STARD10: variants seen among roughly 807,000 people sequenced by gnomAD.
STARD10 encodes START domain-containing protein 10.
In STARD10, 24 loss-of-function variants were observed where a neutral mutation model predicts 36.0. The observed-to-expected ratio is 0.67, with a 90% CI of 0.48 to 0.94. The LOEUF (loss-of-function observed/expected upper bound fraction) is 0.94. Among genes scored for constraint, STARD10 ranks in the 40% least tolerant of loss-of-function variants. STARD10 has a pLI of 0.00. For missense variants in STARD10, 335 were observed against 396.6 expected, an observed-to-expected ratio of 0.84 and a Z score of 1.32; for synonymous variants, 156 against 161.9, an observed-to-expected ratio of 0.96 and a Z score of 0.28.
At chr11:72,776,628 G>A (rs769271181) in intron 2 of STARD10, among the ~76,000 whole-genome samples, 6 of 152,270 alleles carry the variant, frequency 3.9e-5, no homozygotes, top group Non-Finnish European at 7.4e-5. Context: ...CTGTTTGGCT[G>A]TGCACAAGTG....
chr11:72,788,298 G>T (rs1418931513), intron 1 of STARD10, among the ~76,000 whole-genome samples: 1 of 152,186 alleles, frequency 6.6e-6, no homozygotes, highest in African/African-American at 2.4e-5. Flanking sequence ...AAGTGTGAAA[G>T]GCACCTACTG....
At chr11:72,768,766 G>C (rs374856208) in intron 2 of STARD10, among the ~76,000 whole-genome samples, 154 of 152,322 alleles carry the variant, frequency 1.0e-3, no homozygotes, top group Middle Eastern at 6.8e-3. Flanking sequence ...AGCATGCGTT[G>C]TCATGCATTC....
intron 1 of STARD10, among the ~76,000 whole-genome samples, chr11:72,788,930 A>G (rs1373967991): frequency 2.0e-5 from 3 of 152,082 alleles, no homozygotes; most frequent in African/African-American, 7.2e-5. Context: ...ATCATAGCAC[A>G]CTACAGCCTT....
intron 2 of STARD10, among the ~76,000 whole-genome samples, chr11:72,771,696 C>A (rs1160240720): frequency 1.3e-5 from 2 of 152,130 alleles, no homozygotes; most frequent in African/African-American, 4.8e-5. Context: ...TGGACCTCCA[C>A]CCCCACCTCC....
At chr11:72,790,159 C>A (rs1859123121) in intron 1 of STARD10, among the ~76,000 whole-genome samples, 1 of 152,204 alleles carries the variant, frequency 6.6e-6, no homozygotes, top group Admixed American at 6.5e-5. Context: ...TCTTCCCAAC[C>A]CTCCCTGCAA....
chr11:72,758,069 C>T (rs1219554294), intron 4 of STARD10, 185 bp from the exon 5 acceptor site: 2 of 619,830 alleles, frequency 3.2e-6, no homozygotes, highest in East Asian at 2.8e-5. Flanking sequence ...TCATCCTAGC[C>T]CCTCTTGAAG....
At chr11:72,760,213 T>C (rs1049341630) in intron 2 of STARD10, among the ~76,000 whole-genome samples, 4 of 151,326 alleles carry the variant, frequency 2.6e-5, no homozygotes, top group African/African-American at 9.7e-5. Flanking sequence ...GATTTCTTTC[T>C]TTTTTTCATT....
chr11:72,776,142 G>A (rs899309071), intron 2 of STARD10, among the ~76,000 whole-genome samples: 4 of 152,198 alleles, frequency 2.6e-5, no homozygotes, highest in Non-Finnish European at 5.9e-5. Flanking sequence ...CCTAACCCTG[G>A]ATTCTGGATC....
chr11:72,755,814 A>C, intron 5 of STARD10, 61 bp from the exon 6 acceptor site: 2 of 1,501,206 alleles, frequency 1.3e-6, no homozygotes, highest in Non-Finnish European at 1.8e-6. Flanking sequence ...CCCCTGACAA[A>C]AGCCCCACCC....
At chr11:72,785,046 T>G (rs1428344720) in intron 1 of STARD10, among the ~76,000 whole-genome samples, 1 of 152,068 alleles carries the variant, frequency 6.6e-6, no homozygotes, top group African/African-American at 2.4e-5. Flanking sequence ...AAGGGAGCAC[T>G]TGGAAAGAGT....
At position 72,793,694 on chromosome 11, in the gene STARD10, A is replaced by C. The variant is rs921800006; in HGVS notation, c.-933T>G. The C allele has an allele frequency of 6.6e-6, 1 of 152,010 alleles. No individual in the cohort carries two copies. Among genetic ancestry groups the C allele is most frequent in the Non-Finnish European group, 1.5e-5 (1 of 67,982 alleles). 9.4% of individuals were successfully genotyped at this position (152,010 alleles called of 1,614,324 possible). The stretch of plus-strand genomic sequence containing the variant: ...GGCGCCCCCACGTGTCGATCCCGAG[A>C]CTCTCGGCTTGCGCAGGCGCTCTTT... On this transcript the variant is annotated 5_prime_UTR_variant, in exon 1 of 7. Coordinates refer to ENST00000334805, the MANE Select transcript of STARD10 (RefSeq NM_006645.3).
At position 72,780,783 on chromosome 11, in the gene STARD10, C is replaced by T. The variant is rs1858982819; in HGVS notation, c.207+192G>A. 9.6e-6 allele frequency: 6 copies of T among 622,914 alleles called. No homozygotes were observed. The East Asian group carries it at 1.4e-4, about 14-fold the overall frequency. The allele number at this position is 622,914 out of a possible 1,614,324, so 38.6% of individuals were successfully genotyped here. ...GGCAGGGTGAGTCACTCCTGCTCTC[C>T]AGGCCTCGGTTGGCCCATCTGTGTG... is the stretch of plus-strand genomic sequence containing the variant. On this transcript the variant is annotated intron_variant, in intron 2 of 6. Transcript: ENST00000334805.
intron 1 of STARD10, among the ~76,000 whole-genome samples, chr11:72,788,540 TA>T (rs1859102981): frequency 6.6e-6 from 1 of 151,552 alleles, no homozygotes; most frequent in South Asian, 2.1e-4. Flanking sequence ...GTACTTATAG[TA>T]AAAATGTATT....
intron 2 of STARD10, among the ~76,000 whole-genome samples, chr11:72,777,028 C>T (rs912098420): frequency 1.3e-4 from 20 of 152,162 alleles, no homozygotes; most frequent in Non-Finnish European, 2.9e-5. Flanking sequence ...CAGCCACACC[C>T]CCTCCCACAC....
chr11:72,786,960 A>G (rs1376613393), intron 1 of STARD10, among the ~76,000 whole-genome samples: 2 of 151,886 alleles, frequency 1.3e-5, no homozygotes, highest in Non-Finnish European at 2.9e-5. Context: ...ACATGCTGGT[A>G]GTCCCAGCTA....
At chr11:72,788,002 G>C (rs572985244) in intron 1 of STARD10, among the ~76,000 whole-genome samples, 1 of 147,056 alleles carries the variant, frequency 6.8e-6, no homozygotes, top group Non-Finnish European at 1.5e-5. Context: ...GGAGAGGTTT[G>C]GGGGGGGCAG....
In STARD10 at chr11:72,781,901, C is replaced by G. The variant is rs907703489; in HGVS notation, c.-113-607G>C. ...TTCCAGGCTGCGGAGGTGAAGCTGA[C>G]GGATCTCCGAGCCCCGCCCCGCCCC... On this transcript the variant is annotated intron_variant, in intron 1 of 6. Coordinates refer to ENST00000334805, the MANE Select transcript of STARD10 (RefSeq NM_006645.3). The surrounding 1 kb of genome is among the most constrained non-coding windows in gnomAD (Gnocchi z 4.7). 6.6e-6 allele frequency: 1 copy of G among 151,418 alleles called. No homozygotes were observed. Among genetic ancestry groups the G allele is most frequent in the African/African-American group, 2.4e-5 (1 of 41,310 alleles). The allele number at this position is 151,418 out of a possible 1,614,324, so 9.4% of individuals were successfully genotyped here.
Position 72,772,560 on chromosome 11 carries a change from C to T in STARD10, c.207+8415G>A, listed in dbSNP as rs114036088. Among the ~76,000 whole-genome samples, 370 of 152,312 alleles carry T rather than the reference C, an allele frequency of 2.4e-3. 2 individuals carry two copies. The highest frequency in any genetic ancestry group is 8.6e-3 in the African/African-American group (359 of 41,562). ...CCATCCTTACTTGGACCCCTGTAGC[C>T]ACATCCTCTTCTCTGTCCTCTGTGG... On this transcript the variant is annotated intron_variant, in intron 2 of 6. Transcript: ENST00000334805.
At chr11:72,776,293 T>C (rs899172470) in intron 2 of STARD10, among the ~76,000 whole-genome samples, 1 of 152,162 alleles carries the variant, frequency 6.6e-6, no homozygotes, top group Non-Finnish European at 1.5e-5. Flanking sequence ...CAACTTCCTG[T>C]ATGGGGAAAC....
Sources: allele counts gnomAD v4.1 joint callset (sites outside exome capture counted in the v4.1 genomes callset), GRCh38; gene constraint gnomAD v4.1.1; non-coding constraint Gnocchi (gnomAD v3.1); transcripts MANE v1.5; gene names NCBI Gene and HGNC (gene_info 2026-07-23, HGNC 2026-07-21).